SDK1: variants seen among roughly 807,000 people sequenced by gnomAD.
SDK1 encodes sidekick cell adhesion molecule 1, also known as protein sidekick-1.
A neutral mutation model predicts 245.5 loss-of-function variants in SDK1; 157 were observed. The observed-to-expected ratio is 0.64, with a 90% CI of 0.56 to 0.73. The LOEUF (loss-of-function observed/expected upper bound fraction) is 0.73. Ranked by LOEUF, SDK1 falls within the 30% of genes least tolerant of loss-of-function variation. SDK1 has a pLI of 0.00. For synonymous variants in SDK1, 1,647 were observed against 1,278.5 expected (o/e 1.29, Z -6.15); for missense variants, 3,583 against 3,002.3 (o/e 1.19, Z -4.52).
chr7:4,166,885 G>C (rs1326760770), intron 32 of SDK1, among the ~76,000 whole-genome samples: 1 of 152,186 alleles, frequency 6.6e-6, no homozygotes, highest in Non-Finnish European at 1.5e-5. Context: ...GTTCCACAGA[G>C]GCCAGCAACG....
chr7:3,998,803 G>C (rs982532051), intron 14 of SDK1, among the ~76,000 whole-genome samples: 1 of 152,212 alleles, frequency 6.6e-6, no homozygotes, highest in Non-Finnish European at 1.5e-5. Context: ...TCCACGTGGA[G>C]TTCCGTGCAG....
In SDK1 at chr7:4,232,407, C is replaced by CTTTTTTTTTTTTTTTT. The variant is rs201396862; in HGVS notation, c.5828-845_5828-844insTTTTTTTTTTTTTTTT. 1.1e-3 allele frequency among the ~76,000 whole-genome samples: 77 copies of CTTTTTTTTTTTTTTTT among 73,142 alleles called. 2 individuals carry two copies. Among genetic ancestry groups the CTTTTTTTTTTTTTTTT allele is most frequent in the South Asian group, 1.4e-3 (3 of 2,074 alleles). The allele number at this position is 73,142 out of a possible 152,430, so 48.0% of individuals were successfully genotyped here. A position where few individuals can be genotyped will look rare whatever the true frequency, so the allele number is the denominator to read the frequency against. On this transcript the variant is annotated intron_variant, in intron 40 of 44. Transcript: ENST00000404826. ...TTCTTTTTTTCTTTTCTTTTCTTTT[C>CTTTTTTTTTTTTTTTT]TTTCTTTTTTTTTTTTTTTTGTTAT...
chr7:4,238,280 A>G (rs1219594267), intron 42 of SDK1, among the ~76,000 whole-genome samples: 4 of 151,842 alleles, frequency 2.6e-5, no homozygotes, highest in African/African-American at 7.2e-5. Flanking sequence ...GGGTTTCACC[A>G]TGTTGGCCAG....
At chr7:3,729,997 T>G (rs570383375) in intron 4 of SDK1, among the ~76,000 whole-genome samples, 1 of 152,210 alleles carries the variant, frequency 6.6e-6, no homozygotes, top group African/African-American at 2.4e-5. Flanking sequence ...GTAGTACATA[T>G]ATATGTATAT....
At chr7:3,572,741 T>C (rs1053859455) in intron 1 of SDK1, among the ~76,000 whole-genome samples, 6 of 152,032 alleles carry the variant, frequency 3.9e-5, no homozygotes, top group African/African-American at 1.4e-4. Flanking sequence ...GCAAATCCAG[T>C]CATTGCCTTC....
intron 5 of SDK1, among the ~76,000 whole-genome samples, chr7:3,854,553 C>T (rs180813667): frequency 8.9e-4 from 135 of 152,224 alleles, no homozygotes; most frequent in African/African-American, 3.2e-3. Flanking sequence ...AATGCCAACA[C>T]GAAGATCTTT....
intron 1 of SDK1, among the ~76,000 whole-genome samples, chr7:3,351,168 T>C (rs996095464): frequency 6.6e-6 from 1 of 152,190 alleles, no homozygotes; most frequent in African/African-American, 2.4e-5. Flanking sequence ...CTTCCATAGA[T>C]TGGTTAATCT....
At chr7:3,542,216 A>G (rs1286733029) in intron 1 of SDK1, among the ~76,000 whole-genome samples, 3 of 152,224 alleles carry the variant, frequency 2.0e-5, no homozygotes, top group African/African-American at 7.2e-5. Context: ...GGCCTGATAC[A>G]CATAGCTTAG....
At chr7:3,995,118 C>T (rs920076158) in intron 14 of SDK1, among the ~76,000 whole-genome samples, 1 of 152,172 alleles carries the variant, frequency 6.6e-6, no homozygotes, top group African/African-American at 2.4e-5. Flanking sequence ...CTGACCACCC[C>T]CTGCCTCTCC....
At chr7:3,671,580 A>G (rs1245086454) in intron 4 of SDK1, among the ~76,000 whole-genome samples, 3 of 152,144 alleles carry the variant, frequency 2.0e-5, no homozygotes, top group African/African-American at 7.2e-5. Context: ...TGTTATACCT[A>G]TTTACAAGTT....
intron 1 of SDK1, among the ~76,000 whole-genome samples, chr7:3,545,023 C>A (rs996262621): frequency 6.6e-6 from 1 of 152,096 alleles, no homozygotes; most frequent in South Asian, 2.1e-4. Flanking sequence ...GTGACCATCA[C>A]TGATGGAGGG....
chr7:4,181,629 C>T (rs985796453), intron 35 of SDK1, among the ~76,000 whole-genome samples: 1 of 152,200 alleles, frequency 6.6e-6, no homozygotes, highest in Non-Finnish European at 1.5e-5. Context: ...CTCCTCAACA[C>T]ACCCACACCC....
In SDK1 at chr7:4,237,520, G is replaced by T. The variant is rs1786246274; in HGVS notation, c.5993-127G>T. ...AAGTCCACCCGCCCGGCTGGACATT[G>T]GTTTCATCTCACCTGTAACTGGGAG... On this transcript the variant is annotated intron_variant, in intron 41 of 44. Coordinates refer to ENST00000404826, the MANE Select transcript of SDK1 (RefSeq NM_152744.4). 4.8e-6 allele frequency: 5 copies of T among 1,037,124 alleles called. No homozygotes were observed. In the South Asian group the frequency reaches 5.8e-5, roughly 12 times the overall value. 64.2% of individuals were successfully genotyped at this position (1,037,124 alleles called of 1,614,324 possible). A position where few individuals can be genotyped will look rare whatever the true frequency, so the allele number is the denominator to read the frequency against.
At chr7:3,997,203 G>A (rs999604384) in intron 14 of SDK1, among the ~76,000 whole-genome samples, 1 of 152,296 alleles carries the variant, frequency 6.6e-6, no homozygotes, top group South Asian at 2.1e-4. Flanking sequence ...AACCTCTGTG[G>A]CTGGTGGCGG....
chr7:4,259,278 A>C (rs1223131698), intron 44 of SDK1, among the ~76,000 whole-genome samples: 4 of 152,144 alleles, frequency 2.6e-5, no homozygotes, highest in Non-Finnish European at 5.9e-5. Flanking sequence ...ATCTCTACTA[A>C]AAATACAAAA....
At chr7:3,743,069 A>T (rs1238474712) in intron 4 of SDK1, among the ~76,000 whole-genome samples, 1 of 152,150 alleles carries the variant, frequency 6.6e-6, no homozygotes, top group Non-Finnish European at 1.5e-5. Flanking sequence ...GGAGCAATGT[A>T]CGTGTTGTGT....
At chr7:3,559,851 G>C (rs887775214) in intron 1 of SDK1, among the ~76,000 whole-genome samples, 3 of 151,984 alleles carry the variant, frequency 2.0e-5, no homozygotes, top group African/African-American at 7.2e-5. Context: ...TCACAAGGCT[G>C]GTCTTTGTTT....
intron 1 of SDK1, among the ~76,000 whole-genome samples, chr7:3,520,690 C>T (rs1048121925): frequency 6.6e-6 from 1 of 152,142 alleles, no homozygotes; most frequent in Non-Finnish European, 1.5e-5. Flanking sequence ...ATTAAGTCTG[C>T]CCCTTTTCTT....
chr7:3,547,968 G>C (rs1231434271), intron 1 of SDK1, among the ~76,000 whole-genome samples: 1 of 152,148 alleles, frequency 6.6e-6, no homozygotes, highest in Non-Finnish European at 1.5e-5. Context: ...CTTTTAACCT[G>C]ATTCTTCCTT....
Sources: allele counts gnomAD v4.1 joint callset (sites outside exome capture counted in the v4.1 genomes callset), GRCh38; gene constraint gnomAD v4.1.1; transcripts MANE v1.5; gene names NCBI Gene and HGNC (gene_info 2026-07-23, HGNC 2026-07-21).